LRP1B: variants seen among roughly 807,000 people sequenced by gnomAD.
LRP1B encodes the protein low-density lipoprotein receptor-related protein 1B.
Under a neutral mutation model 556.6 loss-of-function variants are expected in LRP1B, and 217 were observed. The ratio of observed to expected loss-of-function variants is 0.39; its 90% CI spans 0.35 to 0.44. The LOEUF (loss-of-function observed/expected upper bound fraction) is 0.44, where lower values mean the gene tolerates loss of function less well. LRP1B is among the 20% of genes least tolerant of loss of function. The probability of loss-of-function intolerance (pLI) is 1.00; values close to 1 mark genes in which losing one functional copy is unlikely to be tolerated. For synonymous variants in LRP1B, 2,047 were observed against 1,865.8 expected (o/e 1.10, Z -2.50); for missense variants, 5,053 against 5,620.8 (o/e 0.90, Z 3.23).
At position 140,850,191 on chromosome 2, in the gene LRP1B, T is replaced by C. The variant is rs1442498111; in HGVS notation, c.4850A>G (p.Glu1617Gly). Residue 1617 changes from glutamate to glycine, a missense_variant, in exon 29 of 91, where the codon GAG becomes GGG. Physicochemically the swap from Glu to Gly is moderately conservative, Grantham distance 98. Coordinates refer to ENST00000389484, the MANE Select transcript of LRP1B (RefSeq NM_018557.3). ...DVTVIDFDAS[E>G]ERLYWTDIKT... ...AATATCTGTCCAGTATAAACGTTCC[T>C]CAGATGCATCGAAGTCTATCACAGT... is the stretch of plus-strand genomic sequence containing the variant. 6.2e-7 allele frequency: 1 copy of C among 1,613,734 alleles called. No individual in the cohort carries two copies. Among genetic ancestry groups the C allele is most frequent in the Admixed American group, 1.7e-5 (1 of 60,026 alleles).
chr2:140,487,824 T>C (rs1380438437), intron 57 of LRP1B, 85 bp from the exon 58 acceptor site: 1 of 856,146 alleles, frequency 1.2e-6, no homozygotes, highest in Non-Finnish European at 1.8e-6. Flanking sequence ...AATCACTGTC[T>C]TCCTTTGAAA....
At chr2:141,297,594 T>C (rs1003032632) in intron 3 of LRP1B, among the ~76,000 whole-genome samples, 1 of 152,188 alleles carries the variant, frequency 6.6e-6, no homozygotes, top group Admixed American at 6.5e-5. Flanking sequence ...ACATGTTTCT[T>C]TCTTCATAAG....
rs1355635418 is a variant in LRP1B, at chr2:142,103,035, G to T, written c.82+27613C>A. 2.0e-5 allele frequency among the ~76,000 whole-genome samples: 3 copies of T among 151,794 alleles called. No individual in the cohort carries two copies. The East Asian group carries it at 5.8e-4, about 29-fold the overall frequency. ...GATCCTCTAGTGTGAAGGTGACTTTGTATTTGGGTGAGCAGAATTTTCCTG... is the reference window on the plus strand; with the variant it reads ...GATCCTCTAGTGTGAAGGTGACTTTTTATTTGGGTGAGCAGAATTTTCCTG... On this transcript the variant is annotated intron_variant, in intron 1 of 90. Transcript: ENST00000389484.
At chr2:141,273,787 A>G (rs899998935) in intron 3 of LRP1B, among the ~76,000 whole-genome samples, 3 of 152,208 alleles carry the variant, frequency 2.0e-5, no homozygotes, top group Admixed American at 6.5e-5. Flanking sequence ...TGAATAAACA[A>G]TTCATACAAT....
chr2:141,750,757 G>A (rs1408534159), intron 2 of LRP1B, among the ~76,000 whole-genome samples: 5 of 151,912 alleles, frequency 3.3e-5, no homozygotes, highest in Admixed American at 1.3e-4. Flanking sequence ...ATAATGTTAG[G>A]AATTTTAGGA....
rs908727260 is a variant in LRP1B at position 140,231,613 on chromosome 2, T to C, written c.*1573A>G. On this transcript the variant is annotated 3_prime_UTR_variant, in exon 91 of 91. Coordinates refer to ENST00000389484, the MANE Select transcript of LRP1B (RefSeq NM_018557.3). ...TATGCATAACATTGTTCAAGCAAAA[T>C]TGCACTAGTATTACATAAATCAATA... 6.6e-6 allele frequency: 1 copy of C among 151,734 alleles called. No homozygotes were observed. Among genetic ancestry groups the C allele is most frequent in the Non-Finnish European group, 1.5e-5 (1 of 67,546 alleles). 9.4% of individuals were successfully genotyped at this position (151,734 alleles called of 1,614,324 possible).
chr2:140,697,013 T>C (rs1345752294), intron 41 of LRP1B, among the ~76,000 whole-genome samples: 1 of 152,154 alleles, frequency 6.6e-6, no homozygotes, highest in Non-Finnish European at 1.5e-5. Flanking sequence ...TTCCATTTTG[T>C]AGGTAAGGAA....
intron 2 of LRP1B, among the ~76,000 whole-genome samples, chr2:141,623,968 T>C (rs1688601799): frequency 7.7e-6 from 1 of 129,194 alleles, no homozygotes; most frequent in African/African-American, 3.0e-5. Flanking sequence ...TGAGCCGAGA[T>C]CGCACCACCG....
At chr2:141,602,729 G>A (rs922119546) in intron 2 of LRP1B, among the ~76,000 whole-genome samples, 1 of 152,058 alleles carries the variant, frequency 6.6e-6, no homozygotes, top group East Asian at 1.9e-4. Flanking sequence ...AGGAATAATG[G>A]GCAGGGCCTA....
At chr2:140,707,932 T>A (rs966967827) in intron 37 of LRP1B, among the ~76,000 whole-genome samples, 1 of 152,058 alleles carries the variant, frequency 6.6e-6, no homozygotes, top group African/African-American at 2.4e-5. Flanking sequence ...CTTTTCAAAT[T>A]TTTTGTTGTT....
In LRP1B at chr2:141,033,286, G is replaced by T. The variant is rs185679658; in HGVS notation, c.1790-13184C>A. On this transcript the variant is annotated intron_variant, in intron 11 of 90. Coordinates refer to ENST00000389484, the MANE Select transcript of LRP1B (RefSeq NM_018557.3). ...GAAAATGAGAACAGAGAAGCAGTCA[G>T]ATGCCAGATCATTCTCAGCCTTCCA... Among the ~76,000 whole-genome samples, 5 of 152,126 alleles carry T rather than the reference G, an allele frequency of 3.3e-5. No individual in the cohort carries two copies. The East Asian group carries it at 9.8e-4, about 30-fold the overall frequency.
At chr2:140,640,013 GT>G (rs1189569202) in intron 41 of LRP1B, among the ~76,000 whole-genome samples, 1 of 151,984 alleles carries the variant, frequency 6.6e-6, no homozygotes, top group Non-Finnish European at 1.5e-5. Flanking sequence ...TTGTTTGTTT[GT>G]TTTTTTAAGA....
At chr2:141,086,875 G>T (rs1700060021) in intron 7 of LRP1B, among the ~76,000 whole-genome samples, 1 of 152,134 alleles carries the variant, frequency 6.6e-6, no homozygotes, top group African/African-American at 2.4e-5. Flanking sequence ...CCAATCACCA[G>T]AAGATTGCTT....
chr2:141,277,629 G>C (rs564134855), intron 3 of LRP1B, among the ~76,000 whole-genome samples: 70 of 151,448 alleles, frequency 4.6e-4, no homozygotes, highest in Admixed American at 1.5e-3. Flanking sequence ...ATATATGGAT[G>C]GGAGTATATA....
At chr2:141,864,940 T>A (rs1255721070) in intron 1 of LRP1B, among the ~76,000 whole-genome samples, 1 of 152,156 alleles carries the variant, frequency 6.6e-6, no homozygotes, top group African/African-American at 2.4e-5. Flanking sequence ...TGTTGTATTG[T>A]TAATAAAGCT....
intron 32 of LRP1B, among the ~76,000 whole-genome samples, chr2:140,806,312 C>T (rs1189430187): frequency 6.6e-6 from 1 of 152,034 alleles, no homozygotes; most frequent in Non-Finnish European, 1.5e-5. Context: ...TATGCATACA[C>T]CTTGACACTC....
intron 49 of LRP1B, among the ~76,000 whole-genome samples, chr2:140,520,501 T>C (rs1690115070): frequency 6.6e-6 from 1 of 151,974 alleles, no homozygotes; most frequent in Admixed American, 6.6e-5. Context: ...AAATGCCTAA[T>C]GTGGATGGCG....
rs182072793 is a variant in LRP1B, at chr2:141,932,011, A to G, written c.83-121610T>C. 9.9e-5 allele frequency among the ~76,000 whole-genome samples: 15 copies of G among 152,150 alleles called. No individual in the cohort carries two copies. In the East Asian group the frequency reaches 2.1e-3, roughly 22 times the overall value. On this transcript the variant is annotated intron_variant, in intron 1 of 90. Coordinates refer to ENST00000389484, the MANE Select transcript of LRP1B (RefSeq NM_018557.3). Reference sequence around the variant, plus strand: ...GTGATCATACCAGCTTTGTCCTTGGAGAGATAACTGGCAGCAAAGACACAG... The same window carrying G: ...GTGATCATACCAGCTTTGTCCTTGGGGAGATAACTGGCAGCAAAGACACAG...
At chr2:140,507,989 A>G (rs1192978054) in intron 52 of LRP1B, among the ~76,000 whole-genome samples, 2 of 152,162 alleles carry the variant, frequency 1.3e-5, no homozygotes, top group East Asian at 1.9e-4. Flanking sequence ...CATTTTAAGT[A>G]TTTAATACAT....
Sources: allele counts gnomAD v4.1 joint callset (sites outside exome capture counted in the v4.1 genomes callset), GRCh38; gene constraint gnomAD v4.1.1; transcripts MANE v1.5; gene names NCBI Gene and HGNC (gene_info 2026-07-23, HGNC 2026-07-21).